Variants in SLC38A9 observed in about 807,000 individuals in gnomAD.
The protein encoded by SLC38A9 is solute carrier family 38 member 9.
Under a neutral mutation model 62.3 loss-of-function variants are expected in SLC38A9, and 48 were observed. The ratio of observed to expected loss-of-function variants is 0.77; its 90% CI spans 0.61 to 0.98. The LOEUF is 0.98. Ranked by LOEUF, SLC38A9 falls within the 50% of genes least tolerant of loss-of-function variation. The pLI is 0.00. For missense variants in SLC38A9, 541 were observed against 679.8 expected, an observed-to-expected ratio of 0.80 and a Z score of 2.27; for synonymous variants, 204 against 227.7, an observed-to-expected ratio of 0.90 and a Z score of 0.94.
At chr5:55,649,672 G>A (rs1747040088) in intron 10 of SLC38A9, among the ~76,000 whole-genome samples, 1 of 152,032 alleles carries the variant, frequency 6.6e-6, no homozygotes, top group Non-Finnish European at 1.5e-5. Flanking sequence ...AAATACAAAA[G>A]TTAGCCAGGT....
At chr5:55,677,959 T>TGTGTGTGTGTA (rs1752392947) in intron 3 of SLC38A9, among the ~76,000 whole-genome samples, 1 of 149,474 alleles carries the variant, frequency 6.7e-6, no homozygotes, top group African/African-American at 2.5e-5. Flanking sequence ...TGTGTGTGTG[T>TGTGTGTGTGTA]GTGTAGTGTG....
chr5:55,692,940 T>C (rs1420244733), intron 3 of SLC38A9: 2 of 977,968 alleles, frequency 2.0e-6, no homozygotes, highest in Non-Finnish European at 2.4e-6. Flanking sequence ...AAATTTCTCA[T>C]GTGATAAATT....
chr5:55,652,374 AAAAG>A (rs1239083234), intron 10 of SLC38A9, among the ~76,000 whole-genome samples, 151 bp downstream of exon 10: 4 of 150,420 alleles, frequency 2.7e-5, no homozygotes, highest in Admixed American at 6.6e-5. Context: ...AAAAAAAAAA[AAAAG>A]AAAGAAAGAA....
intron 2 of SLC38A9, among the ~76,000 whole-genome samples, chr5:55,706,765 G>A (rs990286197): frequency 6.6e-6 from 1 of 152,114 alleles, no homozygotes; most frequent in Non-Finnish European, 1.5e-5. Context: ...TTAGCATGAT[G>A]TTAAATTTTC....
At chr5:55,678,138 G>T (rs1350626062) in intron 3 of SLC38A9, among the ~76,000 whole-genome samples, 5 of 129,490 alleles carry the variant, frequency 3.9e-5, no homozygotes, top group African/African-American at 8.6e-5. Context: ...AAGGTTACTG[G>T]TTTTTTTTTC....
chr5:55,657,863 A>G (rs1465400305), intron 8 of SLC38A9: 1 of 152,260 alleles, frequency 6.6e-6, no homozygotes, highest in Non-Finnish European at 1.5e-5. Flanking sequence ...ATAGAATAAA[A>G]GAAACAGTAT....
intron 3 of SLC38A9, among the ~76,000 whole-genome samples, chr5:55,687,873 A>T (rs954060694): frequency 6.6e-6 from 1 of 151,618 alleles, no homozygotes; most frequent in Non-Finnish European, 1.5e-5. Flanking sequence ...AATTTTTTGT[A>T]TTTTTAGTAG....
chr5:55,652,667 A>G lies in SLC38A9; in HGVS notation c.814T>C (p.Tyr272His). 1.9e-6 allele frequency: 3 copies of G among 1,613,668 alleles called. No homozygotes were observed. Among genetic ancestry groups the G allele is most frequent in the Non-Finnish European group, 2.5e-6 (3 of 1,179,664 alleles). The stretch of plus-strand genomic sequence containing the variant: ...TGTTGGGCTCCTGTGTCATTGGCAT[A>G]GAAAATCATAGAGCTGTTGTCAGGA... Reference protein sequence around the residue: ...GHPDNSSMIFYANDTGAQQFE... With the variant: ...GHPDNSSMIFHANDTGAQQFE... The change falls in exon 10 of 16, where the codon TAT (tyrosine) becomes CAT (histidine). Residue 272 changes from tyrosine to histidine, a missense_variant. By Grantham distance (83) the Tyr-to-His change is moderately conservative. Coordinates refer to ENST00000396865, the MANE Select transcript of SLC38A9 (RefSeq NM_173514.4).
At chr5:55,659,611 C>T (rs180967038) in intron 8 of SLC38A9, among the ~76,000 whole-genome samples, 264 of 152,076 alleles carry the variant, frequency 1.7e-3, no homozygotes, top group African/African-American at 6.0e-3. Flanking sequence ...TGATCTGAAA[C>T]TCCTGACCTC....
intron 2 of SLC38A9, among the ~76,000 whole-genome samples, chr5:55,700,360 C>CAAAAAA (rs3042053): frequency 5.6e-4 from 78 of 139,962 alleles, no homozygotes; most frequent in South Asian, 9.0e-4. Context: ...TAAAACAAGC[C>CAAAAAA]AAAAAAAAAA....
chr5:55,674,011 C>T lies in SLC38A9; in HGVS notation c.114-1316G>A, dbSNP rs924185973. Among the ~76,000 whole-genome samples, 3 of 152,184 alleles carry T rather than the reference C, an allele frequency of 2.0e-5. 1 individual carries two copies. The highest frequency in any genetic ancestry group is 4.1e-4 in the South Asian group (2 of 4,828). ...ACAGGCATAAGCTACCTCACCCAGC[C>T]GTTAATCTAATCTTGTGGGAAGTAC... On this transcript the variant is annotated intron_variant, in intron 3 of 15. Coordinates refer to ENST00000396865, the MANE Select transcript of SLC38A9 (RefSeq NM_173514.4).
At chr5:55,632,639 T>C (rs1743687034) in intron 14 of SLC38A9, among the ~76,000 whole-genome samples, 1 of 152,176 alleles carries the variant, frequency 6.6e-6, no homozygotes, top group Non-Finnish European at 1.5e-5. Context: ...AAGTGGAACA[T>C]GGAAACCTTT....
At position 55,635,645 on chromosome 5, in the gene SLC38A9, A is replaced by T. The variant is rs142135949; in HGVS notation, c.1180T>A (p.Cys394Ser). 6.2e-7 allele frequency: 1 copy of T among 1,612,864 alleles called. No homozygotes were observed. The highest frequency in any genetic ancestry group is 8.5e-7 in the Non-Finnish European group (1 of 1,178,896). The change falls in exon 13 of 16, where the codon TGC becomes AGC. Residue 394 changes from cysteine (C) to serine (S), a missense_variant. By Grantham distance (112) the Cys-to-Ser change is moderately radical. Coordinates refer to ENST00000396865, the MANE Select transcript of SLC38A9 (RefSeq NM_173514.4). ...AATGTCACCAGCATATAAGCAATGC[A>T]CAAGTCCCTCACCTGTAAATACAGA... ...KKQENNVRDL[C>S]IAYMLVTLTY...
At chr5:55,689,674 C>A (rs9687356) in intron 3 of SLC38A9, among the ~76,000 whole-genome samples, 91,133 of 151,968 alleles carry the variant, frequency 0.6, 27,893 homozygotes, top group South Asian at 0.7. Flanking sequence ...TTGGCCCTAA[C>A]GAGTACCAGT....
intron 3 of SLC38A9, among the ~76,000 whole-genome samples, chr5:55,677,242 CA>C (rs1343692323): frequency 6.6e-6 from 1 of 151,950 alleles, no homozygotes; most frequent in African/African-American, 2.4e-5. Flanking sequence ...AATTTACAAA[CA>C]TTATAAAGTA....
intron 3 of SLC38A9, among the ~76,000 whole-genome samples, chr5:55,695,600 A>G (rs1755398156): frequency 9.8e-6 from 1 of 102,178 alleles, no homozygotes; most frequent in Non-Finnish European, 2.2e-5. Flanking sequence ...TCACAGATCA[A>G]CAGGATCCCA....
At position 55,635,661 on chromosome 5, in the gene SLC38A9, TA is replaced by T; in HGVS notation, c.1168-5del. 1 of 1,597,658 alleles carries T rather than the reference TA, an allele frequency of 6.3e-7. No homozygotes were observed. Among genetic ancestry groups the T allele is most frequent in the South Asian group, 1.1e-5 (1 of 90,674 alleles). ...AAGCAATGCACAAGTCCCTCACCTGTAAATACAGAACAAAAGTCCCATAATA... is the reference window on the plus strand; with the variant it reads ...AAGCAATGCACAAGTCCCTCACCTGTAATACAGAACAAAAGTCCCATAATA... On this transcript the variant is annotated splice_polypyrimidine_tract_variant and splice_region_variant and intron_variant, in intron 12 of 15. Transcript: ENST00000396865.
At chr5:55,686,471 G>GT (rs1413139722) in intron 3 of SLC38A9, among the ~76,000 whole-genome samples, 2 of 152,188 alleles carry the variant, frequency 1.3e-5, no homozygotes, top group Admixed American at 6.5e-5. Context: ...TAATGGGGTT[G>GT]TTTTTTCCTG....
Position 55,649,246 on chromosome 5 carries a change from C to A in SLC38A9, c.1021G>T (p.Glu341Ter). The change falls in exon 11 of 16, where the codon GAA becomes TAA. Residue 341 changes from glutamate (E) to a stop codon, truncating the protein, a stop_gained. Coordinates refer to ENST00000396865, the MANE Select transcript of SLC38A9 (RefSeq NM_173514.4). LOFTEE classifies it high-confidence loss of function. ...FKAVRLGFHL[E>*]FHWFIPTEFF... The stretch of plus-strand genomic sequence containing the variant: ...TCTGTTGGTATAAACCAATGAAATT[C>A]CAAATGAAATCCCAAGCGAACAGCC... 1.2e-6 allele frequency: 2 copies of A among 1,608,288 alleles called. No individual in the cohort carries two copies. Among genetic ancestry groups the A allele is most frequent in the South Asian group, 1.1e-5 (1 of 89,430 alleles).
Sources: allele counts gnomAD v4.1 joint callset (sites outside exome capture counted in the v4.1 genomes callset), GRCh38; gene constraint gnomAD v4.1.1; transcripts MANE v1.5; gene names NCBI Gene and HGNC (gene_info 2026-07-23, HGNC 2026-07-21).